The following CNTN5 variants were observed in gnomAD, a reference collection of about 807,000 sequenced individuals.
CNTN5 encodes the protein contactin-5.
A neutral mutation model predicts 129.1 loss-of-function variants in CNTN5; 77 were observed. The ratio of observed to expected loss-of-function variants is 0.60; its 90% CI spans 0.50 to 0.72. The LOEUF is 0.72. CNTN5 is among the 30% of genes least tolerant of loss of function. CNTN5 has a pLI of 0.00. For synonymous variants in CNTN5, 509 were observed against 465.6 expected (o/e 1.09, Z -1.20); for missense variants, 1,478 against 1,328.8 (o/e 1.11, Z -1.75).
chr11:99,452,025 A>G (rs1017329816), intron 2 of CNTN5, among the ~76,000 whole-genome samples: 1 of 152,184 alleles, frequency 6.6e-6, no homozygotes, highest in Non-Finnish European at 1.5e-5. Flanking sequence ...GTAAAGTTCT[A>G]ATATAATTTT....
chr11:99,932,059 A>G (rs1306041267), intron 7 of CNTN5, among the ~76,000 whole-genome samples: 3 of 152,114 alleles, frequency 2.0e-5, no homozygotes, highest in Non-Finnish European at 1.5e-5. Context: ...TTGACTATGA[A>G]GCACCTAAGC....
intron 3 of CNTN5, among the ~76,000 whole-genome samples, chr11:99,558,749 T>C (rs935060308): frequency 6.6e-5 from 10 of 151,996 alleles, no homozygotes; most frequent in African/African-American, 1.2e-4. Context: ...TAGGAAGAGT[T>C]TGGGTATGAG....
At chr11:99,664,038 G>A (rs1952694350) in intron 3 of CNTN5, among the ~76,000 whole-genome samples, 1 of 152,172 alleles carries the variant, frequency 6.6e-6, no homozygotes, top group Non-Finnish European at 1.5e-5. Flanking sequence ...CATGGCTAGT[G>A]TCTACAGTAT....
chr11:99,866,719 G>A (rs567406680), intron 6 of CNTN5, among the ~76,000 whole-genome samples: 1 of 152,316 alleles, frequency 6.6e-6, no homozygotes, highest in South Asian at 2.1e-4. Context: ...TTGCTATTGT[G>A]ACCATTGTGA....
At chr11:99,251,953 T>C (rs535903567) in intron 1 of CNTN5, among the ~76,000 whole-genome samples, 1 of 152,080 alleles carries the variant, frequency 6.6e-6, no homozygotes, top group East Asian at 1.9e-4. Flanking sequence ...TAGATCCAAG[T>C]GACTGAAAAC....
rs766884284 is a variant in CNTN5, at chr11:100,161,868, C to CAA, written c.1581-29257_1581-29256insAA. ...ACACACACACACACACACACACACA[C>CAA]ACACAAAACAAAAAACAAAAAACAA... On this transcript the variant is annotated intron_variant, in intron 13 of 24. Transcript: ENST00000524871. Among the ~76,000 whole-genome samples, 33 of 133,744 alleles carry CAA rather than the reference C, an allele frequency of 2.5e-4. 1 individual carries two copies. Among genetic ancestry groups the CAA allele is most frequent in the Non-Finnish European group, 1.5e-4 (9 of 60,862 alleles). 87.7% of individuals were successfully genotyped at this position (133,744 alleles called of 152,430 possible). A position where few individuals can be genotyped will look rare whatever the true frequency, so the allele number is the denominator to read the frequency against.
At chr11:100,030,592 A>G (rs34163031) in intron 9 of CNTN5, among the ~76,000 whole-genome samples, 12,018 of 152,132 alleles carry the variant, frequency 0.079, 566 homozygotes, top group East Asian at 0.17. Context: ...GCTTGTCTCT[A>G]TTTGACTTTG....
chr11:99,572,262 G>A (rs1316641331), intron 3 of CNTN5, among the ~76,000 whole-genome samples: 18 of 152,114 alleles, frequency 1.2e-4, no homozygotes, highest in Admixed American at 1.2e-3. Flanking sequence ...GATAGCTGAT[G>A]AGCAAAACAA....
Position 99,292,253 on chromosome 11 carries a change from TA to T in CNTN5, c.-209-33083del, listed in dbSNP as rs34354242. Among the ~76,000 whole-genome samples the T allele has an allele frequency of 9.9e-4, 146 of 147,640 alleles. No individual in the cohort carries two copies. The East Asian group carries it at 0.021, about 21-fold the overall frequency. Reference sequence around the variant, plus strand: ...ATATATATATAAAAGCTTACAAAGTTAAAAAAAAAACACATAAAAAACTTCC... The same window carrying T: ...ATATATATATAAAAGCTTACAAAGTTAAAAAAAAACACATAAAAAACTTCC... On this transcript the variant is annotated intron_variant, in intron 1 of 24. Transcript: ENST00000524871.
At chr11:99,753,193 A>T (rs1400920746) in intron 3 of CNTN5, among the ~76,000 whole-genome samples, 1 of 131,966 alleles carries the variant, frequency 7.6e-6, no homozygotes, top group Non-Finnish European at 1.5e-5. Flanking sequence ...CGAGATCTCG[A>T]CTCACTGCAA....
chr11:99,296,009 G>A (rs1032922316), intron 1 of CNTN5, among the ~76,000 whole-genome samples: 1 of 151,838 alleles, frequency 6.6e-6, no homozygotes, highest in African/African-American at 2.4e-5. Context: ...TCATTTATAA[G>A]GCTGGCTGCA....
At chr11:99,191,104 C>T (rs548099788) in intron 1 of CNTN5, among the ~76,000 whole-genome samples, 1 of 151,544 alleles carries the variant, frequency 6.6e-6, no homozygotes, top group Non-Finnish European at 1.5e-5. Context: ...ATAAACATAT[C>T]TTTTTGTTTC....
chr11:100,201,026 T>A (rs1948766165), intron 15 of CNTN5, among the ~76,000 whole-genome samples: 1 of 152,094 alleles, frequency 6.6e-6, no homozygotes, highest in East Asian at 1.9e-4. Flanking sequence ...CATGAATTTA[T>A]CTGGAATGAA....
chr11:99,491,829 G>A (rs1322839680), intron 2 of CNTN5, among the ~76,000 whole-genome samples: 1 of 152,128 alleles, frequency 6.6e-6, no homozygotes, highest in Admixed American at 6.5e-5. Flanking sequence ...GTGCCATGTG[G>A]TATTGCATAT....
Position 99,488,162 on chromosome 11 carries a change from T to C in CNTN5, c.-70-67983T>C, listed in dbSNP as rs998241845. Among the ~76,000 whole-genome samples, 19 of 76,038 alleles carry C rather than the reference T, an allele frequency of 2.5e-4. No individual in the cohort carries two copies. In the East Asian group the frequency reaches 4.2e-3, roughly 17 times the overall value. 49.9% of individuals were successfully genotyped at this position (76,038 alleles called of 152,430 possible). A position where few individuals can be genotyped will look rare whatever the true frequency, so the allele number is the denominator to read the frequency against. ...CTCTTCTAAGAATCTCCAAGAAGTT[T>C]TTTTTTTTTTTTTTTTTTCCTCTTT... On this transcript the variant is annotated intron_variant, in intron 2 of 24. Coordinates refer to ENST00000524871, the MANE Select transcript of CNTN5 (RefSeq NM_014361.4).
intron 3 of CNTN5, among the ~76,000 whole-genome samples, chr11:99,570,180 C>G (rs1478417943): frequency 6.6e-6 from 1 of 151,366 alleles, no homozygotes; most frequent in African/African-American, 2.4e-5. Context: ...TCATATGCCT[C>G]TTTACTTGTT....
At chr11:99,460,803 A>T (rs1944669550) in intron 2 of CNTN5, among the ~76,000 whole-genome samples, 5 of 152,066 alleles carry the variant, frequency 3.3e-5, no homozygotes, top group Admixed American at 3.3e-4. Context: ...TGATATAGTC[A>T]CTTTGGAATC....
intron 2 of CNTN5, among the ~76,000 whole-genome samples, chr11:99,510,853 G>T (rs1946808855): frequency 1.3e-5 from 2 of 152,090 alleles, no homozygotes; most frequent in South Asian, 4.1e-4. Flanking sequence ...ATAAAGTTGA[G>T]TGTAAAACAG....
intron 1 of CNTN5, among the ~76,000 whole-genome samples, chr11:99,171,142 T>G (rs1445811294): frequency 6.6e-6 from 1 of 152,188 alleles, no homozygotes. Context: ...AATTCTTGCC[T>G]GCATTTCATG....
Sources: allele counts gnomAD v4.1 joint callset (sites outside exome capture counted in the v4.1 genomes callset), GRCh38; gene constraint gnomAD v4.1.1; transcripts MANE v1.5; gene names NCBI Gene and HGNC (gene_info 2026-07-23, HGNC 2026-07-21).